The following ITK variants were observed in gnomAD, a reference collection of about 807,000 sequenced individuals.
ITK encodes tyrosine-protein kinase ITK/TSK.
ITK carries 45 observed loss-of-function variants against 87.6 expected under a neutral mutation model. The ratio of observed to expected loss-of-function variants is 0.51; its 90% CI spans 0.40 to 0.66. The LOEUF is 0.66. Among genes scored for constraint, ITK ranks in the 30% least tolerant of loss-of-function variants. The pLI, the probability that ITK is intolerant of heterozygous loss-of-function variation, is 0.00. For synonymous variants in ITK, 303 were observed against 273.6 expected (o/e 1.11, Z -1.06); for missense variants, 605 against 766.3 (o/e 0.79, Z 2.48).
At chr5:157,182,357 G>A (rs1243049508) in intron 1 of ITK, among the ~76,000 whole-genome samples, 1 of 152,136 alleles carries the variant, frequency 6.6e-6, no homozygotes, top group Non-Finnish European at 1.5e-5. Context: ...AGGAGGTCAG[G>A]CTGGGTATAG....
chr5:157,251,560 A>G (rs1047791082), intron 16 of ITK, among the ~76,000 whole-genome samples: 3 of 152,228 alleles, frequency 2.0e-5, no homozygotes, highest in African/African-American at 7.2e-5. Context: ...TTACATCTAA[A>G]AACTCATTGC....
At chr5:157,223,981 G>T (rs1754480895) in intron 6 of ITK, among the ~76,000 whole-genome samples, 1 of 152,136 alleles carries the variant, frequency 6.6e-6, no homozygotes, top group Non-Finnish European at 1.5e-5. Context: ...CCCACATCAA[G>T]TCCAAAAGTA....
At chr5:157,249,068 C>T in intron 16 of ITK, 61 bp downstream of exon 16, 1 of 1,448,978 alleles carries the variant, frequency 6.9e-7, no homozygotes, top group Non-Finnish European at 9.7e-7. Context: ...CTCCCTCCTT[C>T]CCTAGAGAAA....
chr5:157,244,666 C>G lies in ITK; in HGVS notation c.1449+188C>G, dbSNP rs528685046. The stretch of plus-strand genomic sequence containing the variant: ...CTTCATGAGGACTTACTTCTGGGCT[C>G]TGATCCCAGCCCAAACTCTTTCACC... On this transcript the variant is annotated intron_variant, in intron 13 of 16. Transcript: ENST00000422843. Among the ~76,000 whole-genome samples the G allele has an allele frequency of 7.2e-5, 11 of 152,312 alleles. No homozygotes were observed. The East Asian group carries it at 2.1e-3, about 29-fold the overall frequency.
At chr5:157,252,476 T>C (rs1755160013) in intron 16 of ITK, 131 bp from the exon 17 acceptor site, 3 of 742,500 alleles carry the variant, frequency 4.0e-6, no homozygotes, top group Admixed American at 1.9e-5. Context: ...ACAATGTATA[T>C]GGAATACAGT....
At chr5:157,231,704 T>TA (rs34270155) in intron 7 of ITK, among the ~76,000 whole-genome samples, 2,677 of 148,712 alleles carry the variant, frequency 0.018, 32 homozygotes, top group Non-Finnish European at 0.028. Context: ...GTTAACAACA[T>TA]AAAAAAAAAA....
intron 1 of ITK, among the ~76,000 whole-genome samples, chr5:157,188,377 C>G (rs1753686942): frequency 6.6e-6 from 1 of 152,168 alleles, no homozygotes; most frequent in Non-Finnish European, 1.5e-5. Context: ...ATCCTGTGGT[C>G]CCAGCCTGCC....
chr5:157,197,757 A>G (rs746680678), intron 1 of ITK, among the ~76,000 whole-genome samples: 1 of 152,166 alleles, frequency 6.6e-6, no homozygotes, highest in African/African-American at 2.4e-5. Context: ...GACGAATTTA[A>G]CCATACACAG....
intron 1 of ITK, among the ~76,000 whole-genome samples, chr5:157,186,645 C>T (rs1753648297): frequency 6.6e-6 from 1 of 151,344 alleles, no homozygotes; most frequent in Non-Finnish European, 1.5e-5. Context: ...GATTGCACTC[C>T]AGCCTGGGCA....
At chr5:157,228,159 A>T (rs1442543502) in intron 6 of ITK, 137 bp from the exon 7 acceptor site, 1 of 682,534 alleles carries the variant, frequency 1.5e-6, no homozygotes, top group African/African-American at 1.8e-5. Context: ...TGTATTCTAA[A>T]CTTTAAAATG....
rs748145181 is a variant in ITK, at chr5:157,248,920, G to T, written c.1704G>T (p.Val568=). 6.2e-7 allele frequency: 1 copy of T among 1,613,952 alleles called. No homozygotes were observed. Among genetic ancestry groups the T allele is most frequent in the South Asian group, 1.1e-5 (1 of 91,078 alleles). ...AAAACCGAAGCAACTCAGAGGTGGT[G>T]GAAGACATCAGTACCGGATTTCGGT... ...PYENRSNSEV[V]EDISTGFRLY... The change falls in exon 16 of 17, where the codon GTG becomes GTT. Residue 568 remains valine (V), a synonymous_variant. Transcript: ENST00000422843.
chr5:157,210,545 T>TA (rs1554101036), intron 2 of ITK, among the ~76,000 whole-genome samples: 2 of 143,952 alleles, frequency 1.4e-5, no homozygotes, highest in Non-Finnish European at 3.1e-5. Flanking sequence ...TTTTTTTTTT[T>TA]AATTTTTTTT....
intron 5 of ITK, 33 bp from the exon 6 acceptor site, chr5:157,222,830 T>C: frequency 6.2e-7 from 1 of 1,613,470 alleles, no homozygotes; most frequent in Non-Finnish European, 8.5e-7. Context: ...CTTTTTTATG[T>C]CTTTGCTTGG....
rs1270525248 is a variant in ITK, at chr5:157,252,601, C to A, written c.1792-6C>A. ...GAACTTACAGAGTTCTTTTTTCCCTCTCCAGAGACCAGAAGATCGGCCAGC... is the reference window on the plus strand; with the variant it reads ...GAACTTACAGAGTTCTTTTTTCCCTATCCAGAGACCAGAAGATCGGCCAGC... On this transcript the variant is annotated splice_polypyrimidine_tract_variant and splice_region_variant and intron_variant, in intron 16 of 16. Coordinates refer to ENST00000422843, the MANE Select transcript of ITK (RefSeq NM_005546.4). 1 of 1,612,744 alleles carries A rather than the reference C, an allele frequency of 6.2e-7. No individual in the cohort carries two copies. Among genetic ancestry groups the A allele is most frequent in the Admixed American group, 1.7e-5 (1 of 60,024 alleles).
At chr5:157,185,509 G>C (rs1159323804) in intron 1 of ITK, among the ~76,000 whole-genome samples, 1 of 151,928 alleles carries the variant, frequency 6.6e-6, no homozygotes, top group Non-Finnish European at 1.5e-5. Context: ...CAAAGTGCTG[G>C]GATTACAGAT....
Position 157,199,996 on chromosome 5 carries a change from C to A in ITK, c.139-8893C>A, listed in dbSNP as rs556178295. Among the ~76,000 whole-genome samples, 124 of 151,984 alleles carry A rather than the reference C, an allele frequency of 8.2e-4. No individual in the cohort carries two copies. The South Asian group carries it at 0.011, about 13-fold the overall frequency. ...GGTTGGGGTTTTGTACATAGCAGAG[C>A]AGCTCCTTCTCTGTGAGATCTATTG... is the stretch of plus-strand genomic sequence containing the variant. On this transcript the variant is annotated intron_variant, in intron 1 of 16. Transcript: ENST00000422843.
intron 8 of ITK, among the ~76,000 whole-genome samples, chr5:157,236,374 TA>T (rs35365324): frequency 0.18 from 25,987 of 146,092 alleles, 2,371 homozygotes; most frequent in South Asian, 0.34. Context: ...GACTCCATCT[TA>T]AAAAAAAAAA....
chr5:157,237,138 C>A (rs1754792975), intron 8 of ITK, among the ~76,000 whole-genome samples: 1 of 152,236 alleles, frequency 6.6e-6, no homozygotes, highest in South Asian at 2.1e-4. Flanking sequence ...GACATGGAAT[C>A]AACCTAGGTG....
At chr5:157,238,863 T>C (rs139911775) in intron 9 of ITK, among the ~76,000 whole-genome samples, 57 of 152,330 alleles carry the variant, frequency 3.7e-4, no homozygotes, top group South Asian at 1.0e-3. Context: ...AATTAGAACA[T>C]TTGTTAGAAC....
Sources: allele counts gnomAD v4.1 joint callset (sites outside exome capture counted in the v4.1 genomes callset), GRCh38; gene constraint gnomAD v4.1.1; transcripts MANE v1.5; gene names NCBI Gene and HGNC (gene_info 2026-07-23, HGNC 2026-07-21).